Variants in INPP5A observed in about 807,000 individuals in gnomAD.
The protein encoded by INPP5A is inositol polyphosphate-5-phosphatase A, also known as 43 kDa inositol polyphosphate 5-phophatase.
In INPP5A, 14 loss-of-function variants were observed where a neutral mutation model predicts 65.2. That is an observed-to-expected ratio of 0.21 (90% CI 0.14 to 0.34). INPP5A has a LOEUF of 0.34. Among genes scored for constraint, INPP5A ranks in the 10% least tolerant of loss-of-function variants. The pLI is 1.00. For synonymous variants in INPP5A, 207 were observed against 208.3 expected, an observed-to-expected ratio of 0.99 and a Z score of 0.05; for missense variants, 431 against 545.6, an observed-to-expected ratio of 0.79 and a Z score of 2.09.
chr10:132,708,434 A>G lies in INPP5A; in HGVS notation c.527+69A>G, dbSNP rs373030674. 33 of 1,459,248 alleles carry G rather than the reference A, an allele frequency of 2.3e-5. No homozygotes were observed. In the Admixed American group the frequency reaches 2.3e-4, roughly 10 times the overall value. 90.4% of individuals were successfully genotyped at this position (1,459,248 alleles called of 1,614,324 possible). A position where few individuals can be genotyped will look rare whatever the true frequency, so the allele number is the denominator to read the frequency against. On this transcript the variant is annotated intron_variant, in intron 7 of 15. Transcript: ENST00000368594. ...CCCTTTTATATCTTGCACCAGCGGC[A>G]TGTTCCACACACCTCATTGGAGGCT... is the stretch of plus-strand genomic sequence containing the variant.
intron 2 of INPP5A, among the ~76,000 whole-genome samples, chr10:132,630,963 T>G (rs577399286): frequency 2.6e-5 from 4 of 152,294 alleles, no homozygotes; most frequent in South Asian, 4.1e-4. Context: ...TTAAGTCACT[T>G]GCCCTATCTC....
intron 2 of INPP5A, among the ~76,000 whole-genome samples, chr10:132,635,643 C>T (rs915982565): frequency 9.9e-5 from 15 of 151,702 alleles, no homozygotes; most frequent in African/African-American, 3.4e-4. Context: ...GACCCGCCCT[C>T]CTCAGCCTCC....
chr10:132,723,027 G>A (rs1017042225), intron 8 of INPP5A, among the ~76,000 whole-genome samples: 1 of 152,186 alleles, frequency 6.6e-6, no homozygotes, highest in Non-Finnish European at 1.5e-5. Flanking sequence ...TGCGGCCGCC[G>A]TGCACCCTTT....
intron 2 of INPP5A, among the ~76,000 whole-genome samples, chr10:132,641,219 G>T (rs944560236): frequency 6.6e-5 from 10 of 152,206 alleles, no homozygotes; most frequent in Non-Finnish European, 1.2e-4. Context: ...AGGATAACAC[G>T]TTGCTCCATT....
chr10:132,684,423 T>C (rs2073090024), intron 4 of INPP5A, among the ~76,000 whole-genome samples: 2 of 151,566 alleles, frequency 1.3e-5, no homozygotes, highest in African/African-American at 4.9e-5. Context: ...TACATATGTA[T>C]GTTTGTCTAT....
At position 132,538,223 on chromosome 10, in the gene INPP5A, A is replaced by T; in HGVS notation, c.75+52A>T. ...CCCAAGCCCGGAACCCCCGACCCTG[A>T]CCCCGGGGTCCCGAACTGCAAGCCT... On this transcript the variant is annotated intron_variant, in intron 1 of 15. Coordinates refer to ENST00000368594, the MANE Select transcript of INPP5A (RefSeq NM_005539.5). The surrounding 1 kb of genome is among the most constrained non-coding windows in gnomAD (Gnocchi z 4.1). 9.0e-7 allele frequency: 1 copy of T among 1,116,908 alleles called. No homozygotes were observed. The allele number at this position is 1,116,908 out of a possible 1,614,324, so 69.2% of individuals were successfully genotyped here.
chr10:132,757,253 T>C (rs1319179872), intron 11 of INPP5A, among the ~76,000 whole-genome samples: 2 of 152,242 alleles, frequency 1.3e-5, no homozygotes, highest in African/African-American at 2.4e-5. Flanking sequence ...GCACAGTTGA[T>C]CCCAGGCCTT....
intron 1 of INPP5A, among the ~76,000 whole-genome samples, chr10:132,585,554 T>TG (rs1286409443): frequency 6.6e-6 from 1 of 152,238 alleles, no homozygotes; most frequent in Non-Finnish European, 1.5e-5. Flanking sequence ...AGGCGTCCAC[T>TG]GGGGGGGTCT....
chr10:132,760,206 C>A (rs1487000095), intron 11 of INPP5A, among the ~76,000 whole-genome samples: 1 of 152,250 alleles, frequency 6.6e-6, no homozygotes, highest in African/African-American at 2.4e-5. Context: ...CAGCCCCAGG[C>A]CCTCAAAGGC....
chr10:132,736,017 A>T (rs1161186815), intron 9 of INPP5A, among the ~76,000 whole-genome samples: 3 of 152,248 alleles, frequency 2.0e-5, no homozygotes, highest in African/African-American at 7.2e-5. Flanking sequence ...CCTGTGTTTC[A>T]GATGCAGATT....
intron 2 of INPP5A, among the ~76,000 whole-genome samples, chr10:132,625,870 G>A (rs1381915404): frequency 6.7e-6 from 1 of 148,710 alleles, no homozygotes; most frequent in Non-Finnish European, 1.5e-5. Flanking sequence ...GTGTGTGTGT[G>A]TGTGTGTTTG....
At chr10:132,571,660 C>T (rs559798497) in intron 1 of INPP5A, among the ~76,000 whole-genome samples, 3 of 152,198 alleles carry the variant, frequency 2.0e-5, no homozygotes, top group Admixed American at 6.5e-5. Flanking sequence ...CGTAAGGACC[C>T]GGAGTGTCTG....
intron 2 of INPP5A, among the ~76,000 whole-genome samples, chr10:132,634,248 C>T (rs2072309150): frequency 6.6e-6 from 1 of 151,710 alleles, no homozygotes; most frequent in Non-Finnish European, 1.5e-5. Context: ...CCCGGAGAGG[C>T]GTGTCATCTC....
In INPP5A at chr10:132,710,353, A is replaced by T; in HGVS notation, c.544A>T (p.Asn182Tyr). Residue 182 changes from asparagine (N) to tyrosine (Y), a missense_variant, in exon 8 of 16, where the codon AAT becomes TAT. Physicochemically the swap from Asn to Tyr is moderately radical, Grantham distance 143. Coordinates refer to ENST00000368594, the MANE Select transcript of INPP5A (RefSeq NM_005539.5). ...CIADCAFDLV[N>Y]IHLFHDASNL... Reference sequence around the variant, plus strand: ...TGGTTGCAGTGCCTTTGACTTGGTGAATATCCATCTTTTCCATGATGCTTC... The same window carrying T: ...TGGTTGCAGTGCCTTTGACTTGGTGTATATCCATCTTTTCCATGATGCTTC... 1 of 1,614,172 alleles carries T rather than the reference A, an allele frequency of 6.2e-7. No homozygotes were observed. The highest frequency in any genetic ancestry group is 8.5e-7 in the Non-Finnish European group (1 of 1,180,024).
At chr10:132,683,430 T>A (rs1034945002) in intron 4 of INPP5A, among the ~76,000 whole-genome samples, 6 of 152,196 alleles carry the variant, frequency 3.9e-5, no homozygotes, top group African/African-American at 1.4e-4. Flanking sequence ...GTGTCTGCGG[T>A]GACACAGCAA....
chr10:132,691,939 GAGGCGTGCGGTCCTGGC>G (rs371756506), intron 5 of INPP5A, among the ~76,000 whole-genome samples: 112 of 152,184 alleles, frequency 7.4e-4, no homozygotes, highest in African/African-American at 2.6e-3. Flanking sequence ...GCGGTCGCGG[GAGGCGTGCGGTCCTGGC>G]AGGCGTGCGG....
chr10:132,645,562 G>A (rs186827743), intron 2 of INPP5A, among the ~76,000 whole-genome samples: 73 of 152,314 alleles, frequency 4.8e-4, no homozygotes, highest in Non-Finnish European at 4.1e-4. Context: ...CAGTAAACAC[G>A]CATAACATTT....
intron 5 of INPP5A, among the ~76,000 whole-genome samples, chr10:132,693,057 C>A (rs566469091): frequency 2.2e-4 from 33 of 152,106 alleles, no homozygotes; most frequent in Non-Finnish European, 4.4e-4. Context: ...TTATAAGAAA[C>A]CTGTACTATC....
chr10:132,613,067 G>A (rs768787383), intron 2 of INPP5A, among the ~76,000 whole-genome samples: 8 of 152,176 alleles, frequency 5.3e-5, no homozygotes, highest in East Asian at 3.8e-4. Context: ...GGCTCAGGCC[G>A]CCCAGAATCC....
Sources: gnomAD v4.1 joint callset for allele counts (sites outside exome capture counted in the v4.1 genomes callset) on GRCh38, gnomAD v4.1.1 for gene constraint, Gnocchi (gnomAD v3.1) non-coding constraint, MANE v1.5 for transcripts, NCBI Gene and HGNC (gene_info 2026-07-23, HGNC 2026-07-21) for gene names.